RGS7: variants seen among roughly 807,000 people sequenced by gnomAD.
RGS7 encodes the protein regulator of G-protein signaling 7.
A neutral mutation model predicts 81.1 loss-of-function variants in RGS7; 27 were observed. The ratio of observed to expected loss-of-function variants is 0.33; its 90% CI spans 0.25 to 0.46. The LOEUF (loss-of-function observed/expected upper bound fraction) is 0.46, where lower values mean the gene tolerates loss of function less well. Among genes scored for constraint, RGS7 ranks in the 20% least tolerant of loss-of-function variants. The pLI is 1.00. For missense variants in RGS7, 396 were observed against 607.4 expected, an observed-to-expected ratio of 0.65 and a Z score of 3.66; for synonymous variants, 208 against 207.7, an observed-to-expected ratio of 1.00 and a Z score of -0.01.
intron 2 of RGS7, among the ~76,000 whole-genome samples, chr1:241,168,648 A>G: frequency 6.6e-6 from 1 of 152,150 alleles, no homozygotes; most frequent in East Asian, 1.9e-4. Context: ...TAGAGTTAAT[A>G]AAAAGGAATA....
intron 3 of RGS7, among the ~76,000 whole-genome samples, chr1:241,070,340 A>AG (rs2062362168): frequency 1.3e-5 from 2 of 151,164 alleles, no homozygotes; most frequent in African/African-American, 2.4e-5. Context: ...AAAAAAAAAA[A>AG]GCACTAGCCA....
chr1:241,153,671 C>T (rs981330839), intron 2 of RGS7, among the ~76,000 whole-genome samples: 1 of 152,222 alleles, frequency 6.6e-6, no homozygotes, highest in Non-Finnish European at 1.5e-5. Context: ...AACCACATCC[C>T]GCAGTGTAGA....
chr1:241,100,357 A>G (rs2102894744), intron 2 of RGS7, among the ~76,000 whole-genome samples: 1 of 147,350 alleles, frequency 6.8e-6, no homozygotes, highest in East Asian at 2.0e-4. Flanking sequence ...CCTGGGCAAA[A>G]GAGCAAGACT....
At chr1:241,221,489 CA>C (rs1413321615) in intron 2 of RGS7, among the ~76,000 whole-genome samples, 2 of 152,232 alleles carry the variant, frequency 1.3e-5, no homozygotes, top group Non-Finnish European at 2.9e-5. Context: ...GTAAATATCA[CA>C]TCCAGAGCTG....
chr1:241,311,152 C>T (rs2080502657), intron 2 of RGS7, among the ~76,000 whole-genome samples: 1 of 152,148 alleles, frequency 6.6e-6, no homozygotes, highest in South Asian at 2.1e-4. Flanking sequence ...AAAAGTATTG[C>T]TACTGTTAGA....
intron 2 of RGS7, among the ~76,000 whole-genome samples, chr1:241,279,340 C>T (rs1014500414): frequency 6.6e-6 from 1 of 152,174 alleles, no homozygotes; most frequent in African/African-American, 2.4e-5. Flanking sequence ...TTTCTATGTT[C>T]TTTGAGGGAA....
At chr1:241,011,137 T>C (rs1189136726) in intron 3 of RGS7, among the ~76,000 whole-genome samples, 1 of 152,174 alleles carries the variant, frequency 6.6e-6, no homozygotes, top group Non-Finnish European at 1.5e-5. Flanking sequence ...AGCTAATCTG[T>C]CTGGGTTAGG....
At chr1:241,054,962 A>T (rs570148738) in intron 3 of RGS7, among the ~76,000 whole-genome samples, 2 of 152,340 alleles carry the variant, frequency 1.3e-5, no homozygotes, top group African/African-American at 4.8e-5. Context: ...CTATGGTCTG[A>T]AAGACCCCAG....
chr1:241,135,438 C>CA (rs1399812345), intron 2 of RGS7, among the ~76,000 whole-genome samples: 9 of 151,900 alleles, frequency 5.9e-5, no homozygotes, highest in Admixed American at 5.2e-4. Flanking sequence ...ACAACAACAA[C>CA]AAAAAACAAA....
intron 6 of RGS7, among the ~76,000 whole-genome samples, chr1:240,887,047 A>C (rs976494912): frequency 1.3e-5 from 2 of 152,126 alleles, no homozygotes; most frequent in African/African-American, 2.4e-5. Context: ...GACTGAGGTA[A>C]GAATTCTTGG....
At chr1:241,165,899 A>G (rs1572959204) in intron 2 of RGS7, among the ~76,000 whole-genome samples, 1 of 152,270 alleles carries the variant, frequency 6.6e-6, no homozygotes, top group African/African-American at 2.4e-5. Flanking sequence ...TGGCCCCCAG[A>G]TCAGAAGCAT....
chr1:241,239,237 G>C (rs559357253), intron 2 of RGS7, among the ~76,000 whole-genome samples: 2 of 152,184 alleles, frequency 1.3e-5, no homozygotes, highest in Admixed American at 1.3e-4. Flanking sequence ...AAAGTGCTGG[G>C]ATTACAGGTG....
intron 2 of RGS7, among the ~76,000 whole-genome samples, chr1:241,127,735 T>G (rs971017730): frequency 2.6e-5 from 4 of 152,126 alleles, no homozygotes; most frequent in African/African-American, 9.7e-5. Flanking sequence ...ATTTTATCAA[T>G]TGAAATTAAT....
chr1:241,055,910 T>C (rs2061455356), intron 3 of RGS7, among the ~76,000 whole-genome samples: 1 of 152,236 alleles, frequency 6.6e-6, no homozygotes, highest in Non-Finnish European at 1.5e-5. Flanking sequence ...TTAGGAGCTA[T>C]GTGCTAGAAA....
chr1:240,982,971 A>G, intron 4 of RGS7, 108 bp downstream of exon 4: 2 of 660,014 alleles, frequency 3.0e-6, no homozygotes, highest in African/African-American at 1.8e-5. Flanking sequence ...CTGAATTATA[A>G]TTTTTCAGGA....
chr1:240,820,099 A>G (rs917377919), intron 10 of RGS7, among the ~76,000 whole-genome samples: 2 of 152,200 alleles, frequency 1.3e-5, no homozygotes, highest in African/African-American at 4.8e-5. Context: ...AAGGCTTTGC[A>G]TGTTTTAGAA....
At chr1:241,021,014 A>T (rs1199506380) in intron 3 of RGS7, among the ~76,000 whole-genome samples, 2 of 152,242 alleles carry the variant, frequency 1.3e-5, no homozygotes, top group Non-Finnish European at 2.9e-5. Context: ...TGGTTTAATT[A>T]AAAATGCTGA....
intron 2 of RGS7, among the ~76,000 whole-genome samples, chr1:241,289,506 A>G (rs1161325525): frequency 6.6e-6 from 1 of 152,166 alleles, no homozygotes; most frequent in Non-Finnish European, 1.5e-5. Flanking sequence ...GCCCCAACCA[A>G]AAATCAGGTT....
In RGS7 at chr1:240,806,264, T is replaced by A; in HGVS notation, c.1145A>T (p.Gln382Leu). 1.9e-6 allele frequency: 3 copies of A among 1,614,094 alleles called. No homozygotes were observed. In the South Asian group the frequency reaches 3.3e-5, roughly 18 times the overall value. The stretch of plus-strand genomic sequence containing the variant: ...AGCCAGAAACTCTTGCCATATTTCC[T>A]GAACTCTTGAGGGTACTTCTTTAAT... ...RPIKEVPSRV[Q>L]EIWQEFLAPG... The change falls in exon 15 of 19, where the codon CAG becomes CTG. Residue 382 changes from glutamine to leucine, a missense_variant. Coordinates refer to ENST00000440928, the MANE Select transcript of RGS7 (RefSeq NM_001364886.1).
Sources: gnomAD v4.1 joint callset for allele counts (sites outside exome capture counted in the v4.1 genomes callset) on GRCh38, gnomAD v4.1.1 for gene constraint, MANE v1.5 for transcripts, NCBI Gene and HGNC (gene_info 2026-07-23, HGNC 2026-07-21) for gene names.